The following FBLN7 variants were observed in gnomAD, a reference collection of about 807,000 sequenced individuals.
FBLN7 encodes fibulin-7.
Under a neutral mutation model 44.0 loss-of-function variants are expected in FBLN7, and 31 were observed. The observed-to-expected ratio is 0.70, with a 90% CI of 0.53 to 0.95. FBLN7 has a LOEUF of 0.95. FBLN7 is among the 40% of genes least tolerant of loss of function. The pLI is 0.00. For synonymous variants in FBLN7, 262 were observed against 253.4 expected (o/e 1.03, Z -0.32); for missense variants, 573 against 618.5 (o/e 0.93, Z 0.78).
At chr2:112,200,702 T>C in the FBLN7 span, among the ~76,000 whole-genome samples, 2 of 152,198 alleles carry the variant, frequency 1.3e-5, no homozygotes, top group East Asian at 1.9e-4. Flanking sequence ...GGCTAATTTT[T>C]GCATTTTTAG....
chr2:112,146,171 T>C (rs1417107004), intron 1 of FBLN7, among the ~76,000 whole-genome samples: 1 of 152,126 alleles, frequency 6.6e-6, no homozygotes, highest in Non-Finnish European at 1.5e-5. Flanking sequence ...AAATGCATAA[T>C]TAACCAGGCG....
intron 4 of FBLN7, among the ~76,000 whole-genome samples, chr2:112,180,900 G>A (rs1682952058): frequency 7.6e-6 from 1 of 131,044 alleles, no homozygotes; most frequent in African/African-American, 3.2e-5. Flanking sequence ...TCCAGCCTGG[G>A]CGACAGAGTG....
At chr2:112,193,561 C>T in the FBLN7 span, among the ~76,000 whole-genome samples, 3 of 152,168 alleles carry the variant, frequency 2.0e-5, no homozygotes, top group Non-Finnish European at 4.4e-5. Flanking sequence ...TAAATAGTTG[C>T]TCTACGTTTT....
chr2:112,173,625 GA>G (rs1682587201), intron 3 of FBLN7, among the ~76,000 whole-genome samples: 2 of 152,242 alleles, frequency 1.3e-5, no homozygotes, highest in South Asian at 4.1e-4. Flanking sequence ...TAGGCTTCAT[GA>G]AAACAGTAAG....
chr2:112,157,833 C>T (rs1342662789), intron 1 of FBLN7, among the ~76,000 whole-genome samples: 2 of 152,020 alleles, frequency 1.3e-5, no homozygotes, highest in South Asian at 2.1e-4. Context: ...CTCCTGGATG[C>T]AAGTGATCCC....
the FBLN7 span, among the ~76,000 whole-genome samples, chr2:112,223,260 A>T: frequency 4.6e-5 from 7 of 152,172 alleles, no homozygotes; most frequent in Admixed American, 4.6e-4. Context: ...AGTATAATTT[A>T]AAAAAAGAAA....
the FBLN7 span, among the ~76,000 whole-genome samples, chr2:112,244,584 G>T: frequency 8.5e-5 from 13 of 152,094 alleles, no homozygotes; most frequent in African/African-American, 2.9e-4. Flanking sequence ...ACAGATTGAA[G>T]GTCTGTGGCA....
At chr2:112,155,753 A>C (rs545461580) in intron 1 of FBLN7, among the ~76,000 whole-genome samples, 2 of 152,182 alleles carry the variant, frequency 1.3e-5, no homozygotes, top group African/African-American at 4.8e-5. Context: ...CCGGAAGCAG[A>C]GGGCAGTTGT....
At chr2:112,147,672 C>G (rs934449280) in intron 1 of FBLN7, among the ~76,000 whole-genome samples, 3 of 152,330 alleles carry the variant, frequency 2.0e-5, no homozygotes, top group Middle Eastern at 3.4e-3. Flanking sequence ...GAGAGAGTCT[C>G]TCTGCTATCC....
At chr2:112,159,387 C>CA (rs1558877690) in intron 1 of FBLN7, among the ~76,000 whole-genome samples, 1 of 152,184 alleles carries the variant, frequency 6.6e-6, no homozygotes, top group Non-Finnish European at 1.5e-5. Flanking sequence ...GAGAATCTCT[C>CA]AGAGTGGCAG....
chr2:112,158,864 C>T (rs1338150172), intron 1 of FBLN7, among the ~76,000 whole-genome samples: 7 of 152,170 alleles, frequency 4.6e-5, no homozygotes, highest in Admixed American at 2.6e-4. Flanking sequence ...CATGAGCCAC[C>T]GTACCCGGCC....
At chr2:112,173,994 G>C (rs1682607645) in intron 3 of FBLN7, among the ~76,000 whole-genome samples, 2 of 152,240 alleles carry the variant, frequency 1.3e-5, no homozygotes, top group Non-Finnish European at 2.9e-5. Flanking sequence ...CCATCCACAT[G>C]GTTCAGGTAC....
chr2:112,237,486 T>C, the FBLN7 span, among the ~76,000 whole-genome samples: 1 of 152,208 alleles, frequency 6.6e-6, no homozygotes, highest in East Asian at 1.9e-4. Context: ...GGCATAATCA[T>C]AGTCTACTGG....
the FBLN7 span, among the ~76,000 whole-genome samples, chr2:112,206,877 T>A: frequency 6.6e-6 from 1 of 151,498 alleles, no homozygotes; most frequent in Non-Finnish European, 1.5e-5. Context: ...GAACCACAGG[T>A]GCACAGAACC....
At chr2:112,231,143 T>C in the FBLN7 span, among the ~76,000 whole-genome samples, 25 of 152,234 alleles carry the variant, frequency 1.6e-4, 1 homozygote, top group Non-Finnish European at 3.2e-4. Flanking sequence ...TTCACACAAA[T>C]AAACAACTAA....
At chr2:112,156,611 G>A (rs1451925520) in intron 1 of FBLN7, among the ~76,000 whole-genome samples, 1 of 152,228 alleles carries the variant, frequency 6.6e-6, no homozygotes, top group Non-Finnish European at 1.5e-5. Flanking sequence ...GGGGTTGCAG[G>A]AGGTCGCTCC....
the FBLN7 span, among the ~76,000 whole-genome samples, chr2:112,194,326 C>G: frequency 1.3e-5 from 2 of 152,142 alleles, no homozygotes; most frequent in East Asian, 3.8e-4. Flanking sequence ...TCTTTCCTTC[C>G]CTGCAGGGAG....
the FBLN7 span, among the ~76,000 whole-genome samples, chr2:112,239,579 C>CT: frequency 0.019 from 1,673 of 86,416 alleles, 94 homozygotes; most frequent in African/African-American, 0.053. Context: ...TAACAGTTTA[C>CT]TTTTTTTTTT....
downstream of FBLN7, chr2:112,190,092 T>C (rs533470875): frequency 1.3e-5 from 2 of 152,314 alleles, no homozygotes; most frequent in South Asian, 4.1e-4. Context: ...TCATTTATAT[T>C]GTAGAATTTT....
Sources: gnomAD v4.1 joint callset for allele counts (sites outside exome capture counted in the v4.1 genomes callset) on GRCh38, gnomAD v4.1.1 for gene constraint, MANE v1.5 for transcripts, NCBI Gene and HGNC (gene_info 2026-07-23, HGNC 2026-07-21) for gene names.